ZFP14: variants seen among roughly 807,000 people sequenced by gnomAD.
The protein encoded by ZFP14 is ZFP14 zinc finger protein, also known as zinc finger protein 14 homolog.
Under a neutral mutation model 54.5 loss-of-function variants are expected in ZFP14, and 22 were observed. That is an observed-to-expected ratio of 0.40 (90% CI 0.29 to 0.58). The LOEUF is 0.58. Ranked by LOEUF, ZFP14 falls within the 20% of genes least tolerant of loss-of-function variation. The pLI is 0.39. For synonymous variants in ZFP14, 159 were observed against 204.0 expected, an observed-to-expected ratio of 0.78 and a Z score of 1.88; for missense variants, 470 against 637.8, an observed-to-expected ratio of 0.74 and a Z score of 2.83.
At chr19:36,372,722 C>G (rs1600086095) in intron 1 of ZFP14, among the ~76,000 whole-genome samples, 1 of 152,166 alleles carries the variant, frequency 6.6e-6, no homozygotes, top group Non-Finnish European at 1.5e-5. Context: ...GAAATGAAAT[C>G]AGAATGTCAA....
At chr19:36,371,451 C>A (rs1308646516) in intron 1 of ZFP14, among the ~76,000 whole-genome samples, 3 of 151,948 alleles carry the variant, frequency 2.0e-5, no homozygotes, top group African/African-American at 7.3e-5. Context: ...TTTGAAAATG[C>A]AAGACAGAAC....
intron 2 of ZFP14, among the ~76,000 whole-genome samples, chr19:36,365,003 T>C (rs1453136139): frequency 3.9e-4 from 44 of 113,776 alleles, no homozygotes; most frequent in African/African-American, 1.1e-3. Context: ...TCTTTTTTTT[T>C]TTTTTTTTTT....
intron 1 of ZFP14, among the ~76,000 whole-genome samples, chr19:36,375,387 T>C (rs1382546253): frequency 2.8e-5 from 4 of 145,108 alleles, no homozygotes; most frequent in Non-Finnish European, 4.5e-5. Context: ...GGAAGGAATT[T>C]TTTTTTTTTT....
intron 1 of ZFP14, among the ~76,000 whole-genome samples, chr19:36,377,342 G>T (rs2031978387): frequency 2.0e-5 from 3 of 152,084 alleles, no homozygotes; most frequent in African/African-American, 7.2e-5. Context: ...TTGACTCCAG[G>T]AGTTCAAGAT....
Position 36,334,669 on chromosome 19 carries a change from C to T in ZFP14, c.*5555G>A, listed in dbSNP as rs2031158220. 1 of 152,144 alleles carries T rather than the reference C, an allele frequency of 6.6e-6. No homozygotes were observed. The highest frequency in any genetic ancestry group is 1.5e-5 in the Non-Finnish European group (1 of 68,020). The allele number at this position is 152,144 out of a possible 1,614,324, so 9.4% of individuals were successfully genotyped here. Reference sequence around the variant, plus strand: ...AAATTGCCCTGACTTATGCCGCCCCCAACACAACCACTCACCATATCTAAA... The same window carrying T: ...AAATTGCCCTGACTTATGCCGCCCCTAACACAACCACTCACCATATCTAAA... On this transcript the variant is annotated 3_prime_UTR_variant, in exon 5 of 5. Coordinates refer to ENST00000270001, the MANE Select transcript of ZFP14 (RefSeq NM_020917.3).
At position 36,340,832 on chromosome 19, in the gene ZFP14, T is replaced by C; in HGVS notation, c.994A>G (p.Lys332Glu). ...TAGGGTTTCTCACCAAAATGAATTT[T>C]CTGATGTACTCTAAGGTCTGGACCA... ...VCGPDLRVHQ[K>E]IHFGEKPYEC... The change falls in exon 5 of 5, where the codon AAA becomes GAA. Residue 332 changes from lysine (K) to glutamate (E), a missense_variant. Transcript: ENST00000270001. This position sits in a 1 kb window ranked among gnomAD's most constrained non-coding sequence, Gnocchi z 5.4. 6.2e-7 allele frequency: 1 copy of C among 1,614,146 alleles called. No homozygotes were observed. Among genetic ancestry groups the C allele is most frequent in the Non-Finnish European group, 8.5e-7 (1 of 1,180,020 alleles).
At position 36,353,358 on chromosome 19, in the gene ZFP14, T is replaced by A. The variant is rs369514797; in HGVS notation, c.235+7077A>T. ...TCCTAGTGGGTCTTCAAACTATCCA[T>A]CATGCCCTTATTCAATCTATTCTCT... On this transcript the variant is annotated intron_variant, in intron 4 of 4. Transcript: ENST00000270001. Among the ~76,000 whole-genome samples, 13 of 142,888 alleles carry A rather than the reference T, an allele frequency of 9.1e-5. 3 individuals carry two copies. In the East Asian group the frequency reaches 2.7e-3, roughly 30 times the overall value. The allele number at this position is 142,888 out of a possible 152,430, so 93.7% of individuals were successfully genotyped here.
In ZFP14 at chr19:36,334,873, T is replaced by TTTTTA. The variant is rs201998580; in HGVS notation, c.*5346_*5350dup. The TTTTTA allele has an allele frequency of 2.5e-5, 3 of 121,046 alleles. No homozygotes were observed. The highest frequency in any genetic ancestry group is 7.3e-5 in the African/African-American group (2 of 27,454). 7.5% of individuals were successfully genotyped at this position (121,046 alleles called of 1,614,324 possible). ...ATACTTTGAATTCCTCAAAAGTAGA[T>TTTTTA]TTTTATTTTATTTTATTTGAGACTG... On this transcript the variant is annotated 3_prime_UTR_variant, in exon 5 of 5. Transcript: ENST00000270001.
intron 4 of ZFP14, 122 bp downstream of exon 4, chr19:36,360,313 C>T: frequency 1.4e-6 from 1 of 716,364 alleles, no homozygotes; most frequent in East Asian, 2.8e-5. Context: ...CAAGCCCTGC[C>T]TCCATAGGCC....
chr19:36,373,332 T>G (rs2031909230), intron 1 of ZFP14, among the ~76,000 whole-genome samples: 1 of 149,520 alleles, frequency 6.7e-6, no homozygotes, highest in Non-Finnish European at 1.5e-5. Context: ...AACAACTTAA[T>G]CTCATAGAAG....
chr19:36,360,179 G>A (rs1215940611), intron 4 of ZFP14: 3 of 283,594 alleles, frequency 1.1e-5, no homozygotes, highest in African/African-American at 6.6e-5. Flanking sequence ...TCTTCTACCA[G>A]GAATAGTTCT....
intron 1 of ZFP14, among the ~76,000 whole-genome samples, chr19:36,373,016 G>A (rs563755776): frequency 2.0e-5 from 3 of 152,272 alleles, no homozygotes; most frequent in African/African-American, 7.2e-5. Context: ...GGTGGCTCAC[G>A]CCTGTAATCC....
chr19:36,338,052 A>C lies in ZFP14; in HGVS notation c.*2172T>G, dbSNP rs1484558062. 6.6e-6 allele frequency: 1 copy of C among 152,200 alleles called. No homozygotes were observed. The highest frequency in any genetic ancestry group is 1.5e-5 in the Non-Finnish European group (1 of 68,054). The allele number at this position is 152,200 out of a possible 1,614,324, so 9.4% of individuals were successfully genotyped here. On this transcript the variant is annotated 3_prime_UTR_variant, in exon 5 of 5. Coordinates refer to ENST00000270001, the MANE Select transcript of ZFP14 (RefSeq NM_020917.3). ...GGTCTCACTCTGTCACCCAGGCTGG[A>C]GTGCAGTGGCACGATCTCAGCTCAC...
chr19:36,360,185 G>T (rs1273498882), intron 4 of ZFP14: 1 of 293,960 alleles, frequency 3.4e-6, no homozygotes, highest in East Asian at 5.5e-5. Flanking sequence ...ACCAGGAATA[G>T]TTCTTCTCTT....
At position 36,362,093 on chromosome 19, in the gene ZFP14, T is replaced by C. The variant is rs1259108276; in HGVS notation, c.136+19A>G. The C allele has an allele frequency of 6.3e-7, 1 of 1,579,938 alleles. No homozygotes were observed. On this transcript the variant is annotated intron_variant, in intron 3 of 4. Coordinates refer to ENST00000270001, the MANE Select transcript of ZFP14 (RefSeq NM_020917.3). Reference sequence around the variant, plus strand: ...TGACAGCAGAGAAAGCTAATATCATTTGGGATAAATAACCTTACCTAGTGA... The same window carrying C: ...TGACAGCAGAGAAAGCTAATATCATCTGGGATAAATAACCTTACCTAGTGA...
chr19:36,341,016 T>C lies in ZFP14; in HGVS notation c.810A>G (p.Gln270=). The C allele has an allele frequency of 6.2e-7, 1 of 1,614,068 alleles. No individual in the cohort carries two copies. The highest frequency in any genetic ancestry group is 1.6e-4 in the Middle Eastern group (1 of 6,062). The part of the protein sequence containing the change: ...ECGKAFRVHQ[Q]LARHQRIHTG... ...TGTGAATTCTCTGATGTCGAGCCAG[T>C]TGCTGATGTACTCTAAAGGCCTTTC... The change falls in exon 5 of 5, where the codon CAA becomes CAG. Residue 270 remains glutamine (Q), a synonymous_variant. Coordinates refer to ENST00000270001, the MANE Select transcript of ZFP14 (RefSeq NM_020917.3). The surrounding 1 kb of genome is among the most constrained non-coding windows in gnomAD (Gnocchi z 4.2).
intron 1 of ZFP14, among the ~76,000 whole-genome samples, chr19:36,376,135 C>A (rs959535222): frequency 6.6e-6 from 1 of 151,962 alleles, no homozygotes; most frequent in African/African-American, 2.4e-5. Flanking sequence ...CAGTTTCTAC[C>A]TGAAAGGATT....
chr19:36,355,532 A>G (rs1405479862), intron 4 of ZFP14, among the ~76,000 whole-genome samples: 1 of 138,404 alleles, frequency 7.2e-6, no homozygotes, highest in African/African-American at 2.7e-5. Context: ...TTTTTTTTTT[A>G]AATAGCTAAG....
chr19:36,354,767 G>A (rs574111294), intron 4 of ZFP14, among the ~76,000 whole-genome samples: 1 of 142,928 alleles, frequency 7.0e-6, no homozygotes, highest in African/African-American at 2.6e-5. Context: ...CACCTCCCAG[G>A]TTCAAGCGAT....
Sources: allele counts gnomAD v4.1 joint callset (sites outside exome capture counted in the v4.1 genomes callset), GRCh38; gene constraint gnomAD v4.1.1; non-coding constraint Gnocchi (gnomAD v3.1); transcripts MANE v1.5; gene names NCBI Gene and HGNC (gene_info 2026-07-23, HGNC 2026-07-21).